The following SIAH1 variants were observed in gnomAD, a reference collection of about 807,000 sequenced individuals.
SIAH1 encodes E3 ubiquitin-protein ligase SIAH1.
A neutral mutation model predicts 20.0 loss-of-function variants in SIAH1; 2 were observed. The observed-to-expected ratio is 0.10, with a 90% CI of 0.04 to 0.31. SIAH1 has a LOEUF of 0.31. Ranked by LOEUF, SIAH1 falls within the 10% of genes least tolerant of loss-of-function variation. The probability of loss-of-function intolerance (pLI) is 1.00; values close to 1 mark genes in which losing one functional copy is unlikely to be tolerated. For synonymous variants in SIAH1, 118 were observed against 125.3 expected (o/e 0.94, Z 0.39); for missense variants, 119 against 355.3 (o/e 0.33, Z 5.35).
chr16:48,365,305 AT>A, intron 1 of SIAH1: 2 of 1,443,850 alleles, frequency 1.4e-6, no homozygotes, highest in East Asian at 4.6e-5. Flanking sequence ...TGCTGCAGCC[AT>A]TCCCTAAGCC....
chr16:48,372,207 T>C (rs1961003687), intron 1 of SIAH1, among the ~76,000 whole-genome samples: 1 of 152,210 alleles, frequency 6.6e-6, no homozygotes, highest in African/African-American at 2.4e-5. Context: ...AAAAAAGTAA[T>C]GGAATTTATA....
rs565229629 is a variant in SIAH1 at position 48,373,386 on chromosome 16, C to CT, written c.-2-10957dup. On this transcript the variant is annotated intron_variant, in intron 1 of 1. Transcript: ENST00000394725. ...CAAAGTCTCTCCACTCAGAGTCTTC[C>CT]TTTTTTCAATTAATAGAGACTCCAT... 1.7e-3 allele frequency among the ~76,000 whole-genome samples: 265 copies of CT among 152,310 alleles called. 2 individuals carry two copies. Among genetic ancestry groups the CT allele is most frequent in the Non-Finnish European group, 2.6e-3 (174 of 68,028 alleles).
intron 1 of SIAH1, among the ~76,000 whole-genome samples, chr16:48,371,376 G>A (rs1310693934): frequency 6.6e-6 from 1 of 152,072 alleles, no homozygotes; most frequent in African/African-American, 2.4e-5. Flanking sequence ...TACTTACCCT[G>A]GTATGGAATA....
chr16:48,368,362 A>AC (rs1960894319), intron 1 of SIAH1, among the ~76,000 whole-genome samples: 1 of 152,204 alleles, frequency 6.6e-6, no homozygotes, highest in Non-Finnish European at 1.5e-5. Context: ...AATGAGCAAA[A>AC]AGTAAAACAT....
chr16:48,363,362 T>A (rs1960683482), intron 1 of SIAH1: 1 of 167,104 alleles, frequency 6.0e-6, no homozygotes, highest in South Asian at 2.1e-4. Context: ...GTATTAATCT[T>A]ATTTCCTACT....
chr16:48,368,980 G>A (rs1960915757), intron 1 of SIAH1, among the ~76,000 whole-genome samples: 1 of 152,102 alleles, frequency 6.6e-6, no homozygotes, highest in Non-Finnish European at 1.5e-5. Context: ...TGACATTGTG[G>A]CAGGTATTAT....
At chr16:48,364,713 TG>T (rs755965882) in intron 1 of SIAH1, 2 of 152,292 alleles carry the variant, frequency 1.3e-5, no homozygotes, top group Non-Finnish European at 2.9e-5. Context: ...GGCTGTATGC[TG>T]TATGCCTACT....
intron 1 of SIAH1, among the ~76,000 whole-genome samples, chr16:48,374,571 T>C (rs1323835326): frequency 6.6e-6 from 1 of 152,048 alleles, no homozygotes; most frequent in East Asian, 1.9e-4. Flanking sequence ...GAAGACTGCA[T>C]CTAGGAGAAA....
In SIAH1 at chr16:48,360,782, A is replaced by G. The variant is rs1960552334; in HGVS notation, c.*798T>C. 6.6e-6 allele frequency: 1 copy of G among 152,466 alleles called. No homozygotes were observed. The highest frequency in any genetic ancestry group is 1.5e-5 in the Non-Finnish European group (1 of 68,040). 9.4% of individuals were successfully genotyped at this position (152,466 alleles called of 1,614,324 possible). ...ATCAATTTATTCTCTAACCTTTCAA[A>G]GATTAAGCTCAAAGGTGTGACTCAT... On this transcript the variant is annotated 3_prime_UTR_variant, in exon 2 of 2. Transcript: ENST00000394725.
chr16:48,365,174 G>C (rs1338833411), intron 1 of SIAH1: 2 of 521,480 alleles, frequency 3.8e-6, no homozygotes, highest in African/African-American at 3.8e-5. Context: ...CAGGCGCCCT[G>C]CAGTAGGAAC....
chr16:48,374,294 G>T (rs1031011821), intron 1 of SIAH1, among the ~76,000 whole-genome samples: 1 of 152,188 alleles, frequency 6.6e-6, no homozygotes, highest in Admixed American at 6.6e-5. Flanking sequence ...TTTTTTGGAT[G>T]AATAAATACA....
chr16:48,385,194 C>T lies in SIAH1; in HGVS notation c.-3+10G>A, dbSNP rs1294437273. 3.2e-6 allele frequency: 1 copy of T among 313,056 alleles called. No individual in the cohort carries two copies. The highest frequency in any genetic ancestry group is 6.8e-6 in the Non-Finnish European group (1 of 146,772). 19.4% of individuals were successfully genotyped at this position (313,056 alleles called of 1,614,324 possible). On this transcript the variant is annotated intron_variant, in intron 1 of 1. Transcript: ENST00000394725. ...CCGCCGGCTCCTCCCTCAGGCCGGGCCCCACTTACCTGTGGGCGGAGAGCG... is the reference window on the plus strand; with the variant it reads ...CCGCCGGCTCCTCCCTCAGGCCGGGTCCCACTTACCTGTGGGCGGAGAGCG...
chr16:48,366,198 G>A (rs1960835287), intron 1 of SIAH1, among the ~76,000 whole-genome samples: 1 of 152,128 alleles, frequency 6.6e-6, no homozygotes, highest in South Asian at 2.1e-4. Context: ...GGTCAGAACA[G>A]TCGAATATCG....
chr16:48,371,433 T>C (rs569428708), intron 1 of SIAH1, among the ~76,000 whole-genome samples: 123 of 152,344 alleles, frequency 8.1e-4, no homozygotes, highest in African/African-American at 2.9e-3. Context: ...CAAAAATGTG[T>C]CAAGAAAATA....
intron 1 of SIAH1, among the ~76,000 whole-genome samples, chr16:48,372,532 G>A (rs1961011145): frequency 1.3e-5 from 2 of 152,252 alleles, no homozygotes; most frequent in East Asian, 1.9e-4. Context: ...GTAATTAAAT[G>A]CCTCTATTCA....
chr16:48,361,542 A>G lies in SIAH1; in HGVS notation c.*38T>C, dbSNP rs768259691. On this transcript the variant is annotated 3_prime_UTR_variant, in exon 2 of 2. Transcript: ENST00000394725. ...GGTGCCTTATTTTCTGTGAAACTGA[A>G]GTTTTAAACACTGGCCAGAAAATGT... 5 of 1,595,784 alleles carry G rather than the reference A, an allele frequency of 3.1e-6. No individual in the cohort carries two copies. The Admixed American group carries it at 5.0e-5, about 16-fold the overall frequency.
intron 1 of SIAH1, among the ~76,000 whole-genome samples, chr16:48,383,847 C>T (rs557568883): frequency 6.6e-6 from 1 of 152,338 alleles, no homozygotes; most frequent in South Asian, 2.1e-4. Flanking sequence ...GCACTTTCAT[C>T]ATACCAACAC....
intron 1 of SIAH1, among the ~76,000 whole-genome samples, chr16:48,382,479 G>A (rs966869745): frequency 1.3e-5 from 2 of 152,132 alleles, no homozygotes; most frequent in African/African-American, 2.4e-5. Flanking sequence ...AGGTACTGAG[G>A]ATATATATTA....
intron 1 of SIAH1, among the ~76,000 whole-genome samples, chr16:48,381,880 G>A (rs1205352340): frequency 6.6e-6 from 1 of 152,158 alleles, no homozygotes; most frequent in Non-Finnish European, 1.5e-5. Flanking sequence ...GTGTGTCAAT[G>A]TAGGTTCCTC....
Sources: allele counts gnomAD v4.1 joint callset (sites outside exome capture counted in the v4.1 genomes callset), GRCh38; gene constraint gnomAD v4.1.1; transcripts MANE v1.5; gene names NCBI Gene and HGNC (gene_info 2026-07-23, HGNC 2026-07-21).